PDE7A: variants seen among roughly 807,000 people sequenced by gnomAD.
PDE7A encodes phosphodiesterase 7A.
In PDE7A, 39 loss-of-function variants were observed where a neutral mutation model predicts 64.3. The observed-to-expected ratio is 0.61, with a 90% CI of 0.47 to 0.79. PDE7A has a LOEUF of 0.79. Ranked by LOEUF, PDE7A falls within the 30% of genes least tolerant of loss-of-function variation. PDE7A has a pLI of 0.00. For missense variants in PDE7A, 470 were observed against 582.8 expected (o/e 0.81, Z 1.99); for synonymous variants, 203 against 206.8 (o/e 0.98, Z 0.16).
intron 1 of PDE7A, among the ~76,000 whole-genome samples, chr8:65,800,165 C>T (rs555707072): frequency 2.0e-5 from 3 of 152,124 alleles, no homozygotes; most frequent in African/African-American, 7.2e-5. Context: ...TCGGACCCCC[C>T]ACCTAACAGA....
intron 3 of PDE7A, among the ~76,000 whole-genome samples, chr8:65,773,570 AT>A (rs1012821162): frequency 6.6e-6 from 1 of 152,004 alleles, no homozygotes; most frequent in Non-Finnish European, 1.5e-5. Context: ...AATTTGAACC[AT>A]TTTTTTGTCA....
intron 1 of PDE7A, among the ~76,000 whole-genome samples, chr8:65,817,304 A>T (rs1284526211): frequency 1.3e-5 from 2 of 152,236 alleles, no homozygotes; most frequent in African/African-American, 4.8e-5. Context: ...CATACCATAT[A>T]CATAAACACA....
chr8:65,762,925 C>T (rs931502518), intron 3 of PDE7A, among the ~76,000 whole-genome samples: 2 of 151,076 alleles, frequency 1.3e-5, no homozygotes, highest in Admixed American at 6.6e-5. Context: ...TTGCTTGAGC[C>T]CAGGAGTTCG....
intron 7 of PDE7A, among the ~76,000 whole-genome samples, chr8:65,733,313 C>T (rs1418866008): frequency 6.6e-6 from 1 of 152,124 alleles, no homozygotes; most frequent in African/African-American, 2.4e-5. Flanking sequence ...CAGAAGCCTT[C>T]GCTGACCAGG....
chr8:65,797,736 G>C (rs1311423415), intron 1 of PDE7A, among the ~76,000 whole-genome samples: 1 of 152,034 alleles, frequency 6.6e-6, no homozygotes, highest in Non-Finnish European at 1.5e-5. Flanking sequence ...AGGTACCAAA[G>C]TAATTCAGGG....
intron 5 of PDE7A, 27 bp downstream of exon 5, chr8:65,745,380 C>T (rs1272933493): frequency 7.4e-7 from 1 of 1,343,392 alleles, no homozygotes; most frequent in Admixed American, 1.7e-5. Flanking sequence ...ACTACATTAA[C>T]TTGAGCAAGT....
intron 1 of PDE7A, among the ~76,000 whole-genome samples, chr8:65,806,016 A>G (rs1371965741): frequency 1.3e-5 from 2 of 152,226 alleles, no homozygotes; most frequent in African/African-American, 4.8e-5. Flanking sequence ...TAGTTACACT[A>G]CTTCTAGGAA....
intron 1 of PDE7A, among the ~76,000 whole-genome samples, chr8:65,817,387 C>T (rs1810433258): frequency 6.6e-6 from 1 of 152,188 alleles, no homozygotes; most frequent in Non-Finnish European, 1.5e-5. Flanking sequence ...AAATGTCTTA[C>T]ATAACCATGG....
chr8:65,827,876 T>C (rs1458868598), intron 1 of PDE7A, among the ~76,000 whole-genome samples: 1 of 152,200 alleles, frequency 6.6e-6, no homozygotes, highest in Admixed American at 6.5e-5. Flanking sequence ...GTATGTATCC[T>C]CATTGTTAAG....
chr8:65,724,388 T>C lies in PDE7A; in HGVS notation c.1066-37A>G, dbSNP rs374716645. 19 of 1,388,876 alleles carry C rather than the reference T, an allele frequency of 1.4e-5. No individual in the cohort carries two copies. The African/African-American group carries it at 2.5e-4, about 19-fold the overall frequency. The allele number at this position is 1,388,876 out of a possible 1,614,324, so 86.0% of individuals were successfully genotyped here. A position where few individuals can be genotyped will look rare whatever the true frequency, so the allele number is the denominator to read the frequency against. On this transcript the variant is annotated intron_variant, in intron 10 of 12. Coordinates refer to ENST00000401827, the MANE Select transcript of PDE7A (RefSeq NM_001242318.3). ...AACATTAATATTGTTTTAAGATATA[T>C]ACACACTTGACAATAATACCAAAGA...
At chr8:65,813,523 G>T (rs1448426541) in intron 1 of PDE7A, among the ~76,000 whole-genome samples, 1 of 152,140 alleles carries the variant, frequency 6.6e-6, no homozygotes, top group Non-Finnish European at 1.5e-5. Context: ...TATTGAAAAT[G>T]ATAGCTGATT....
intron 1 of PDE7A, among the ~76,000 whole-genome samples, chr8:65,815,465 G>T (rs1810377252): frequency 6.6e-6 from 1 of 151,860 alleles, no homozygotes; most frequent in African/African-American, 2.4e-5. Flanking sequence ...TTAAGAACTA[G>T]GCAAAAGATA....
chr8:65,724,679 T>C (rs570490983), intron 10 of PDE7A, 98 bp downstream of exon 10: 3 of 1,074,508 alleles, frequency 2.8e-6, no homozygotes, highest in East Asian at 4.9e-5. Flanking sequence ...GCCCTCAAGA[T>C]TTAACCATTC....
intron 3 of PDE7A, among the ~76,000 whole-genome samples, chr8:65,774,692 G>C (rs1020912168): frequency 1.3e-5 from 2 of 151,208 alleles, no homozygotes; most frequent in Non-Finnish European, 3.0e-5. Context: ...AATATCTAAT[G>C]GCTAAATATT....
chr8:65,765,610 A>T (rs1808742520), intron 3 of PDE7A: 1 of 151,998 alleles, frequency 6.6e-6, no homozygotes, highest in Admixed American at 6.6e-5. Context: ...TTGTGTTGAC[A>T]TGAGAAACAC....
Position 65,714,852 on chromosome 8 carries a change from G to A in PDE7A, c.*4438C>T, listed in dbSNP as rs1186582222. ...AAGGAATTACTAGCACCTCTAATCT[G>A]TACCTCAGGTACAAATATATTTGTT... is the stretch of plus-strand genomic sequence containing the variant. On this transcript the variant is annotated 3_prime_UTR_variant, in exon 13 of 13. Transcript: ENST00000401827. 1 of 152,158 alleles carries A rather than the reference G, an allele frequency of 6.6e-6. No homozygotes were observed. The highest frequency in any genetic ancestry group is 1.5e-5 in the Non-Finnish European group (1 of 68,038). The allele number at this position is 152,158 out of a possible 1,614,324, so 9.4% of individuals were successfully genotyped here. A position where few individuals can be genotyped will look rare whatever the true frequency, so the allele number is the denominator to read the frequency against.
intron 1 of PDE7A, among the ~76,000 whole-genome samples, chr8:65,820,913 A>AATATAAATAATAT (rs1810526821): frequency 6.6e-6 from 1 of 152,216 alleles, no homozygotes; most frequent in Non-Finnish European, 1.5e-5. Flanking sequence ...TAAACAACTG[A>AATATAAATAATAT]GGATATAAAT....
chr8:65,746,543 CCAAA>C (rs1210543833), intron 4 of PDE7A, among the ~76,000 whole-genome samples: 2 of 152,058 alleles, frequency 1.3e-5, no homozygotes, highest in East Asian at 3.8e-4. Flanking sequence ...GCCCTAAAAA[CCAAA>C]TATTTTTATA....
intron 3 of PDE7A, among the ~76,000 whole-genome samples, chr8:65,772,979 G>A (rs1376709747): frequency 6.6e-6 from 1 of 152,130 alleles, no homozygotes; most frequent in Non-Finnish European, 1.5e-5. Context: ...CTGCACTCCA[G>A]CCTGGGCGAC....
Sources: gnomAD v4.1 joint callset for allele counts (sites outside exome capture counted in the v4.1 genomes callset) on GRCh38, gnomAD v4.1.1 for gene constraint, MANE v1.5 for transcripts, NCBI Gene and HGNC (gene_info 2026-07-23, HGNC 2026-07-21) for gene names.